Variants in TRMT10A observed in about 807,000 individuals in gnomAD.
TRMT10A encodes the protein tRNA methyltransferase 10 homolog A.
TRMT10A carries 37 observed loss-of-function variants against 40.4 expected under a neutral mutation model. That is an observed-to-expected ratio of 0.92 (90% confidence interval 0.71 to 1.21). The LOEUF is 1.21. Ranked by LOEUF, TRMT10A falls within the 50% of genes most tolerant of loss-of-function variation. The pLI is 0.00. For synonymous variants in TRMT10A, 103 were observed against 134.1 expected, an observed-to-expected ratio of 0.77 and a Z score of 1.60; for missense variants, 388 against 404.3, an observed-to-expected ratio of 0.96 and a Z score of 0.35.
rs1432125537 is a variant in TRMT10A at position 99,548,534 on chromosome 4, A to C, written c.*554T>G. On this transcript the variant is annotated 3_prime_UTR_variant, in exon 8 of 8. Transcript: ENST00000394876. The stretch of plus-strand genomic sequence containing the variant: ...TAAAGAAGGAACAGATATGCGCTCC[A>C]TAGTCCAAAAGAAATGAATTATTAA... 1.3e-5 allele frequency: 2 copies of C among 152,292 alleles called. No homozygotes were observed. The highest frequency in any genetic ancestry group is 2.9e-5 in the Non-Finnish European group (2 of 68,090). The allele number at this position is 152,292 out of a possible 1,614,324, so 9.4% of individuals were successfully genotyped here. A position where few individuals can be genotyped will look rare whatever the true frequency, so the allele number is the denominator to read the frequency against.
At chr4:99,563,386 G>A (rs10026790) in intron 1 of TRMT10A, 40,387 of 154,072 alleles carry the variant, frequency 0.26, 5,473 homozygotes, top group South Asian at 0.34. Flanking sequence ...ACTTCCCCTC[G>A]GGCTCTCTAC....
Position 99,549,128 on chromosome 4 carries a change from T to G in TRMT10A, c.980A>C (p.Glu327Ala). Residue 327 changes from glutamate (E) to alanine (A), a missense_variant, in exon 8 of 8, where the codon GAA (glutamate) becomes GCA (alanine). Coordinates refer to ENST00000394876, the MANE Select transcript of TRMT10A (RefSeq NM_001134665.3). ...DSPHEEKQDKENHTESTVNSL... is the reference protein window; with the variant it reads ...DSPHEEKQDKANHTESTVNSL... Reference sequence around the variant, plus strand: ...GTTCACTGTAGATTCAGTGTGATTTTCCTTATCCTGCTTTTCTTCATGTGG... The same window carrying G: ...GTTCACTGTAGATTCAGTGTGATTTGCCTTATCCTGCTTTTCTTCATGTGG... 6.2e-7 allele frequency: 1 copy of G among 1,614,096 alleles called. No homozygotes were observed.
intron 1 of TRMT10A, among the ~76,000 whole-genome samples, chr4:99,561,732 C>G (rs1193175683): frequency 6.6e-6 from 1 of 152,172 alleles, no homozygotes; most frequent in Non-Finnish European, 1.5e-5. Context: ...GGTATACTTG[C>G]TTTCTAATTG....
intron 2 of TRMT10A, 62 bp from the exon 3 acceptor site, chr4:99,558,273 C>T (rs1724250084): frequency 7.6e-7 from 1 of 1,308,024 alleles, no homozygotes; most frequent in African/African-American, 1.5e-5. Context: ...CAAGACTCTT[C>T]TAAATAAACA....
chr4:99,550,222 C>T (rs1723907592), intron 7 of TRMT10A, among the ~76,000 whole-genome samples: 1 of 152,216 alleles, frequency 6.6e-6, no homozygotes, highest in African/African-American at 2.4e-5. Context: ...CAAGGTCTCA[C>T]TCTGCCACCC....
intron 3 of TRMT10A, 121 bp from the exon 4 acceptor site, chr4:99,557,537 T>C: frequency 1.4e-6 from 1 of 715,396 alleles, no homozygotes; most frequent in Non-Finnish European, 2.2e-6. Flanking sequence ...TCTTCTTAAA[T>C]ACAAATGCAT....
rs769565460 is a variant in TRMT10A, at chr4:99,549,239, T to A, written c.869A>T (p.His290Leu). 4 of 1,614,152 alleles carry A rather than the reference T, an allele frequency of 2.5e-6. No individual in the cohort carries two copies. Among genetic ancestry groups the A allele is most frequent in the Non-Finnish European group, 2.5e-6 (3 of 1,179,998 alleles). Residue 290 changes from histidine (H) to leucine (L), a missense_variant, in exon 8 of 8, where the codon CAT (histidine) becomes CTT (leucine). Transcript: ENST00000394876. Reference sequence around the variant, plus strand: ...CTCCATCCTGACAGACTGATTGTCATGAGAAGCACTTTCACAGGCTTTGTC... The same window carrying A: ...CTCCATCCTGACAGACTGATTGTCAAGAGAAGCACTTTCACAGGCTTTGTC... ...PTDKACESAS[H>L]DNQSVRMEEG...
intron 1 of TRMT10A, among the ~76,000 whole-genome samples, chr4:99,561,601 C>T (rs1724400097): frequency 6.6e-6 from 1 of 152,132 alleles, no homozygotes; most frequent in African/African-American, 2.4e-5. Context: ...GTATAGTATA[C>T]TTTACAAAGA....
intron 2 of TRMT10A, among the ~76,000 whole-genome samples, chr4:99,558,608 T>TA (rs888234653): frequency 4.6e-5 from 7 of 152,216 alleles, no homozygotes; most frequent in Admixed American, 4.6e-4. Context: ...AATTGTTCAT[T>TA]AAAAAAATTA....
At chr4:99,557,520 C>A (rs1724211545) in intron 3 of TRMT10A, 104 bp from the exon 4 acceptor site, 6 of 881,636 alleles carry the variant, frequency 6.8e-6, no homozygotes, top group Non-Finnish European at 1.0e-5. Context: ...TATATACATA[C>A]AATTTTTCTT....
At chr4:99,553,227 A>G (rs1724030885) in intron 6 of TRMT10A, among the ~76,000 whole-genome samples, 1 of 152,178 alleles carries the variant, frequency 6.6e-6, no homozygotes, top group Admixed American at 6.5e-5. Context: ...GATACGAAGA[A>G]TTTTGCATGC....
intron 5 of TRMT10A, among the ~76,000 whole-genome samples, chr4:99,555,526 TAA>T (rs1724131454): frequency 6.6e-6 from 1 of 152,238 alleles, no homozygotes; most frequent in African/African-American, 2.4e-5. Context: ...ATCCAAATTT[TAA>T]AAAGTGAAAA....
At chr4:99,562,486 ATGACT>A (rs953450191) in intron 1 of TRMT10A, among the ~76,000 whole-genome samples, 2 of 148,304 alleles carry the variant, frequency 1.3e-5, no homozygotes, top group South Asian at 2.1e-4. Context: ...ATTGGAATTA[ATGACT>A]TGACAGCGAT....
rs1340444199 is a variant in TRMT10A at position 99,549,156 on chromosome 4, A to T, written c.952T>A (p.Ser318Thr). 1 of 1,614,006 alleles carries T rather than the reference A, an allele frequency of 6.2e-7. No homozygotes were observed. The highest frequency in any genetic ancestry group is 1.1e-5 in the South Asian group (1 of 91,068). ...EEEYSRNELDSPHEEKQDKEN... is the reference protein window; with the variant it reads ...EEEYSRNELDTPHEEKQDKEN... ...TTATCCTGCTTTTCTTCATGTGGTG[A>T]ATCTAGTTCATTTCTGCTATATTCC... The change falls in exon 8 of 8, where the codon TCA becomes ACA. Residue 318 changes from serine to threonine, a missense_variant. Transcript: ENST00000394876.
chr4:99,549,465 T>G, intron 7 of TRMT10A, 109 bp from the exon 8 acceptor site: 1 of 1,381,300 alleles, frequency 7.2e-7, no homozygotes, highest in Non-Finnish European at 9.8e-7. Context: ...TTTGTCCTAA[T>G]AACTACTTTG....
chr4:99,557,907 C>A (rs1169218806), intron 3 of TRMT10A, 142 bp downstream of exon 3: 2 of 722,678 alleles, frequency 2.8e-6, no homozygotes, highest in African/African-American at 1.8e-5. Flanking sequence ...AATTTGCTAG[C>A]TAATTTAACT....
intron 6 of TRMT10A, 92 bp downstream of exon 6, chr4:99,553,693 T>G: frequency 3.2e-5 from 41 of 1,264,460 alleles, no homozygotes; most frequent in East Asian, 9.6e-5. Flanking sequence ...TCAATAAAGA[T>G]GAGCTATCAT....
chr4:99,557,943 AT>A, intron 3 of TRMT10A, 105 bp downstream of exon 3: 5 of 1,131,256 alleles, frequency 4.4e-6, no homozygotes, highest in Non-Finnish European at 6.0e-6. Flanking sequence ...AAAACTGAAG[AT>A]TCATTTCAAT....
Position 99,546,721 on chromosome 4 carries a change from CATTT to C in TRMT10A, c.*2363_*2366del, listed in dbSNP as rs1438566669. 6.6e-6 allele frequency: 1 copy of C among 152,060 alleles called. No individual in the cohort carries two copies. The highest frequency in any genetic ancestry group is 2.4e-5 in the African/African-American group (1 of 41,518). 9.4% of individuals were successfully genotyped at this position (152,060 alleles called of 1,614,324 possible). On this transcript the variant is annotated 3_prime_UTR_variant, in exon 8 of 8. Transcript: ENST00000394876. ...TTCAGCAGACATATATTTTTTGATGCATTTATTTAGGTAGTTTAATTCTCTACTT... is the reference window on the plus strand; with the variant it reads ...TTCAGCAGACATATATTTTTTGATGCATTTAGGTAGTTTAATTCTCTACTT...
Sources: allele counts gnomAD v4.1 joint callset (sites outside exome capture counted in the v4.1 genomes callset), GRCh38; gene constraint gnomAD v4.1.1; transcripts MANE v1.5; gene names NCBI Gene and HGNC (gene_info 2026-07-23, HGNC 2026-07-21).